Variants in CAMK2D observed in about 807,000 individuals in gnomAD.
CAMK2D encodes calcium/calmodulin dependent protein kinase II delta.
In CAMK2D, 37 loss-of-function variants were observed where a neutral mutation model predicts 84.0. That is an observed-to-expected ratio of 0.44 (90% CI 0.34 to 0.58). The LOEUF is 0.58. Ranked by LOEUF, CAMK2D falls within the 20% of genes least tolerant of loss-of-function variation. The probability of loss-of-function intolerance (pLI) is 0.02; values close to 1 mark genes in which losing one functional copy is unlikely to be tolerated. For synonymous variants in CAMK2D, 202 were observed against 212.5 expected (o/e 0.95, Z 0.43); for missense variants, 448 against 652.5 (o/e 0.69, Z 3.41).
chr4:113,522,258 G>C (rs2098370193), intron 8 of CAMK2D, among the ~76,000 whole-genome samples: 1 of 152,202 alleles, frequency 6.6e-6, no homozygotes, highest in South Asian at 2.1e-4. Flanking sequence ...GGAAGTTAAT[G>C]GAAGAATCTA....
At chr4:113,544,335 C>A (rs1479546495) in intron 6 of CAMK2D, among the ~76,000 whole-genome samples, 1 of 152,166 alleles carries the variant, frequency 6.6e-6, no homozygotes, top group South Asian at 2.1e-4. Flanking sequence ...ACCATTTCCA[C>A]AAATTATTGT....
At chr4:113,536,809 A>C (rs2098495396) in intron 7 of CAMK2D, among the ~76,000 whole-genome samples, 1 of 152,236 alleles carries the variant, frequency 6.6e-6, no homozygotes, top group Non-Finnish European at 1.5e-5. Context: ...AAATTATCAG[A>C]ATTTTTGAGA....
intron 16 of CAMK2D, among the ~76,000 whole-genome samples, chr4:113,467,135 A>G (rs925192651): frequency 6.6e-6 from 1 of 152,210 alleles, no homozygotes; most frequent in Admixed American, 6.5e-5. Context: ...GGATTTTAAG[A>G]ATATTGCGAT....
intron 16 of CAMK2D, among the ~76,000 whole-genome samples, chr4:113,498,222 C>T (rs187614366): frequency 1.1e-4 from 17 of 152,222 alleles, no homozygotes; most frequent in African/African-American, 2.4e-4. Context: ...TTCTTGAGGA[C>T]CATGCACTGA....
intron 6 of CAMK2D, among the ~76,000 whole-genome samples, chr4:113,547,212 A>T (rs963716259): frequency 6.6e-6 from 1 of 152,226 alleles, no homozygotes; most frequent in Non-Finnish European, 1.5e-5. Context: ...TTTAGGCTAA[A>T]ACTTCACCTA....
intron 4 of CAMK2D, among the ~76,000 whole-genome samples, chr4:113,588,635 G>A (rs2098844755): frequency 6.6e-6 from 1 of 152,150 alleles, no homozygotes; most frequent in Middle Eastern, 3.2e-3. Context: ...GTAGATGAAA[G>A]AAAACCTAAA....
intron 17 of CAMK2D, among the ~76,000 whole-genome samples, chr4:113,462,970 C>T (rs2097408361): frequency 6.6e-6 from 1 of 152,062 alleles, no homozygotes; most frequent in African/African-American, 2.4e-5. Context: ...CAGCTATAAA[C>T]AATTGTTTAA....
chr4:113,757,574 A>G (rs1174166546), intron 2 of CAMK2D, among the ~76,000 whole-genome samples: 1 of 152,152 alleles, frequency 6.6e-6, no homozygotes, highest in Non-Finnish European at 1.5e-5. Flanking sequence ...AAGGAAAAAA[A>G]ATTGCAGAAA....
At position 113,513,890 on chromosome 4, in the gene CAMK2D, C is replaced by G; in HGVS notation, c.843G>C (p.Met281Ile). 6.3e-7 allele frequency: 1 copy of G among 1,586,100 alleles called. No individual in the cohort carries two copies. The highest frequency in any genetic ancestry group is 8.6e-7 in the Non-Finnish European group (1 of 1,157,518). ...AGTCTACAGTCTCCTGTCTGTGCAT[C>G]ATGGAAGCAACAGTAGAACGTTGCT... ...WICQRSTVAS[M>I]MHRQETVDCL... The change falls in exon 11 of 21, where the codon ATG (methionine) becomes ATC (isoleucine). Residue 281 changes from methionine to isoleucine, a missense_variant. By Grantham distance (10) the Met-to-Ile change is conservative (BLOSUM62 1). Coordinates refer to ENST00000511664, the MANE Select transcript of CAMK2D (RefSeq NM_001321571.2).
At chr4:113,568,053 G>A (rs17630379) in intron 4 of CAMK2D, among the ~76,000 whole-genome samples, 8,048 of 152,150 alleles carry the variant, frequency 0.053, 613 homozygotes, top group African/African-American at 0.17. Flanking sequence ...GGGGTCTCTA[G>A]TTATTTTTTT....
intron 2 of CAMK2D, among the ~76,000 whole-genome samples, chr4:113,741,580 G>A (rs537178062): frequency 1.3e-5 from 2 of 152,248 alleles, no homozygotes; most frequent in South Asian, 4.2e-4. Flanking sequence ...GAGACAAGGG[G>A]AGACTACTAT....
intron 17 of CAMK2D, among the ~76,000 whole-genome samples, chr4:113,460,467 C>G (rs886306407): frequency 6.6e-6 from 1 of 151,960 alleles, no homozygotes; most frequent in African/African-American, 2.4e-5. Context: ...TTATCCAGTT[C>G]AAGCAGATGA....
intron 6 of CAMK2D, among the ~76,000 whole-genome samples, chr4:113,538,816 T>C (rs1165548626): frequency 6.6e-6 from 1 of 152,182 alleles, no homozygotes; most frequent in Admixed American, 6.5e-5. Flanking sequence ...AATTAGAGTG[T>C]TGGCGAGTAA....
chr4:113,591,384 G>C (rs1042813973), intron 4 of CAMK2D, among the ~76,000 whole-genome samples: 1 of 152,072 alleles, frequency 6.6e-6, no homozygotes, highest in Non-Finnish European at 1.5e-5. Flanking sequence ...CAATAGAAGA[G>C]GTTCAGATCC....
intron 4 of CAMK2D, among the ~76,000 whole-genome samples, chr4:113,557,137 C>A (rs1176455029): frequency 6.6e-6 from 1 of 152,102 alleles, no homozygotes; most frequent in African/African-American, 2.4e-5. Context: ...ACAATGTCAC[C>A]AGCCTAAGTC....
At chr4:113,721,571 T>C (rs2099530515) in intron 2 of CAMK2D, among the ~76,000 whole-genome samples, 1 of 152,206 alleles carries the variant, frequency 6.6e-6, no homozygotes, top group Non-Finnish European at 1.5e-5. Flanking sequence ...CCAATGTTCA[T>C]GTGGGGACCC....
intron 2 of CAMK2D, among the ~76,000 whole-genome samples, chr4:113,725,044 G>T (rs72899836): frequency 5.2e-4 from 79 of 151,930 alleles, no homozygotes; most frequent in African/African-American, 1.7e-3. Flanking sequence ...ATTTCCAAAG[G>T]ATCCATTTCT....
intron 4 of CAMK2D, among the ~76,000 whole-genome samples, chr4:113,590,603 C>T (rs1490073469): frequency 1.3e-5 from 2 of 152,132 alleles, no homozygotes; most frequent in Non-Finnish European, 2.9e-5. Flanking sequence ...TAATTTTCTT[C>T]CAGTTCTACT....
chr4:113,606,336 GGCGC>G (rs886746377), intron 4 of CAMK2D, among the ~76,000 whole-genome samples: 9 of 151,942 alleles, frequency 5.9e-5, no homozygotes, highest in African/African-American at 1.9e-4. Context: ...CCGGCATGGT[GGCGC>G]GCGCCTGTAA....
Sources: gnomAD v4.1 joint callset for allele counts (sites outside exome capture counted in the v4.1 genomes callset) on GRCh38, gnomAD v4.1.1 for gene constraint, MANE v1.5 for transcripts, NCBI Gene and HGNC (gene_info 2026-07-23, HGNC 2026-07-21) for gene names.